Variants in FAF1 observed in about 807,000 individuals in gnomAD.
The protein encoded by FAF1 is FAS-associated factor 1.
In FAF1, 25 loss-of-function variants were observed where a neutral mutation model predicts 92.5. That is an observed-to-expected ratio of 0.27 (90% CI 0.20 to 0.38). The LOEUF (loss-of-function observed/expected upper bound fraction) is 0.38, where lower values mean the gene tolerates loss of function less well. Ranked by LOEUF, FAF1 falls within the 10% of genes least tolerant of loss-of-function variation. The pLI is 1.00. For missense variants in FAF1, 636 were observed against 793.3 expected, an observed-to-expected ratio of 0.80 and a Z score of 2.38; for synonymous variants, 234 against 273.2, an observed-to-expected ratio of 0.86 and a Z score of 1.42.
intron 15 of FAF1, among the ~76,000 whole-genome samples, chr1:50,525,280 A>G (rs1557981165): frequency 6.6e-6 from 1 of 152,240 alleles, no homozygotes; most frequent in Non-Finnish European, 1.5e-5. Flanking sequence ...TGCTTTGGGC[A>G]GTATGGCCAT....
intron 4 of FAF1, among the ~76,000 whole-genome samples, chr1:50,767,597 G>A (rs1291888284): frequency 6.6e-6 from 1 of 152,192 alleles, no homozygotes; most frequent in Non-Finnish European, 1.5e-5. Flanking sequence ...GAACCCCACA[G>A]ACTAACAGTG....
intron 2 of FAF1, among the ~76,000 whole-genome samples, chr1:50,804,943 T>C (rs925087804): frequency 6.6e-6 from 1 of 152,214 alleles, no homozygotes; most frequent in Non-Finnish European, 1.5e-5. Context: ...GGGATACTTT[T>C]AGAAAAGAGA....
chr1:50,486,911 T>C (rs1256150289), intron 17 of FAF1, among the ~76,000 whole-genome samples: 1 of 152,202 alleles, frequency 6.6e-6, no homozygotes, highest in Non-Finnish European at 1.5e-5. Context: ...TTGGAGTATA[T>C]ATATTTCACG....
At chr1:50,572,799 A>G (rs1460924166) in intron 12 of FAF1, among the ~76,000 whole-genome samples, 1 of 152,210 alleles carries the variant, frequency 6.6e-6, no homozygotes, top group African/African-American at 2.4e-5. Context: ...GTAGTAATAG[A>G]GGAAGTCCTG....
At chr1:50,708,619 G>A (rs1479949563) in intron 6 of FAF1, among the ~76,000 whole-genome samples, 1 of 152,016 alleles carries the variant, frequency 6.6e-6, no homozygotes, top group Non-Finnish European at 1.5e-5. Context: ...CAGTTTTTAG[G>A]CTTCGAGGCC....
intron 8 of FAF1, among the ~76,000 whole-genome samples, chr1:50,614,416 G>A (rs1488029314): frequency 3.3e-5 from 5 of 151,510 alleles, no homozygotes; most frequent in African/African-American, 1.2e-4. Flanking sequence ...GTTAAGGGGG[G>A]AAAAAAAAGA....
At chr1:50,692,240 A>AGTGTGTGTGTGT (rs1557478161) in intron 7 of FAF1, among the ~76,000 whole-genome samples, 1 of 66,880 alleles carries the variant, frequency 1.5e-5, no homozygotes, top group East Asian at 8.1e-4. Context: ...TGAAGTATTT[A>AGTGTGTGTGTGT]CTGTGTGTGT....
At chr1:50,800,367 G>A (rs79830255) in intron 3 of FAF1, among the ~76,000 whole-genome samples, 237 of 152,236 alleles carry the variant, frequency 1.6e-3, no homozygotes, top group African/African-American at 5.4e-3. Flanking sequence ...TAAAACTGGA[G>A]TGATATTTAG....
intron 14 of FAF1, among the ~76,000 whole-genome samples, chr1:50,536,787 A>T (rs1648505568): frequency 6.6e-6 from 1 of 152,210 alleles, no homozygotes; most frequent in South Asian, 2.1e-4. Flanking sequence ...TATTCAATAA[A>T]TAAATAAATG....
intron 3 of FAF1, among the ~76,000 whole-genome samples, chr1:50,794,645 CAG>C (rs1363326379): frequency 6.6e-6 from 1 of 152,164 alleles, no homozygotes; most frequent in Non-Finnish European, 1.5e-5. Context: ...TGTTTGGAGA[CAG>C]AGTTTCACTC....
intron 1 of FAF1, among the ~76,000 whole-genome samples, chr1:50,874,308 C>T (rs1190090221): frequency 2.0e-5 from 3 of 151,960 alleles, no homozygotes; most frequent in Non-Finnish European, 4.4e-5. Context: ...AAAACCATCC[C>T]ATACCCTGGT....
At chr1:50,642,112 A>G (rs1654362014) in intron 8 of FAF1, among the ~76,000 whole-genome samples, 1 of 151,420 alleles carries the variant, frequency 6.6e-6, no homozygotes, top group African/African-American at 2.4e-5. Flanking sequence ...CTGAGGCACG[A>G]GAATTGCTTG....
intron 7 of FAF1, among the ~76,000 whole-genome samples, chr1:50,677,733 A>G (rs1569742041): frequency 6.6e-6 from 1 of 152,042 alleles, no homozygotes; most frequent in East Asian, 1.9e-4. Context: ...TGTCTCTACT[A>G]AAAATACAAA....
At chr1:50,684,257 C>CTTTTTTT (rs756495229) in intron 7 of FAF1, among the ~76,000 whole-genome samples, 1 of 114,432 alleles carries the variant, frequency 8.7e-6, no homozygotes, top group Non-Finnish European at 1.8e-5. Flanking sequence ...TTCCAACAGA[C>CTTTTTTT]TTTTTTTTTT....
At chr1:50,456,099 T>A (rs890185371) in intron 18 of FAF1, among the ~76,000 whole-genome samples, 1 of 151,940 alleles carries the variant, frequency 6.6e-6, no homozygotes, top group African/African-American at 2.4e-5. Flanking sequence ...TTTTTTTTTT[T>A]AGAGATGAGA....
intron 13 of FAF1, among the ~76,000 whole-genome samples, chr1:50,556,111 G>A (rs1354977219): frequency 6.6e-6 from 1 of 151,748 alleles, no homozygotes; most frequent in African/African-American, 2.4e-5. Flanking sequence ...GGTGGCGGGC[G>A]CCTGTAGTCC....
intron 7 of FAF1, among the ~76,000 whole-genome samples, chr1:50,693,725 A>G (rs867594223): frequency 3.3e-5 from 5 of 152,102 alleles, no homozygotes; most frequent in African/African-American, 1.2e-4. Context: ...TAATACCTTA[A>G]GGATTAAAAG....
At chr1:50,623,996 A>T (rs1653342701) in intron 8 of FAF1, among the ~76,000 whole-genome samples, 2 of 151,014 alleles carry the variant, frequency 1.3e-5, no homozygotes, top group South Asian at 4.2e-4. Flanking sequence ...GAGGAAGAAG[A>T]AGGAAGAAGA....
At chr1:50,744,544 C>A (rs1346087467) in intron 5 of FAF1, 140 bp downstream of exon 5, 1 of 616,926 alleles carries the variant, frequency 1.6e-6, no homozygotes. Context: ...ACACTACTTG[C>A]TGATTCCTTA....
Sources: allele counts gnomAD v4.1 joint callset (sites outside exome capture counted in the v4.1 genomes callset), GRCh38; gene constraint gnomAD v4.1.1; transcripts MANE v1.5; gene names NCBI Gene and HGNC (gene_info 2026-07-23, HGNC 2026-07-21).